SYNPR: variants seen among roughly 807,000 people sequenced by gnomAD.
SYNPR encodes the protein synaptoporin.
A neutral mutation model predicts 32.9 loss-of-function variants in SYNPR; 23 were observed. The ratio of observed to expected loss-of-function variants is 0.70; its 90% CI spans 0.50 to 0.99. SYNPR has a LOEUF of 0.99. SYNPR is among the 50% of genes least tolerant of loss of function. SYNPR has a pLI of 0.00. For synonymous variants in SYNPR, 146 were observed against 135.9 expected (o/e 1.07, Z -0.52); for missense variants, 318 against 349.3 (o/e 0.91, Z 0.71).
At chr3:63,395,030 A>C (rs1328448312) in intron 2 of SYNPR, among the ~76,000 whole-genome samples, 2 of 152,152 alleles carry the variant, frequency 1.3e-5, no homozygotes, top group South Asian at 2.1e-4. Flanking sequence ...CCCTTAACTC[A>C]CACAGGGTAG....
chr3:63,249,002 T>C (rs778789936), intron 1 of SYNPR, among the ~76,000 whole-genome samples: 1 of 152,136 alleles, frequency 6.6e-6, no homozygotes, highest in East Asian at 1.9e-4. Flanking sequence ...TGCTGTCAAA[T>C]GAAGGAGAAA....
At chr3:63,563,385 T>G (rs532095643) in intron 4 of SYNPR, among the ~76,000 whole-genome samples, 1 of 152,330 alleles carries the variant, frequency 6.6e-6, no homozygotes, top group Admixed American at 6.5e-5. Flanking sequence ...AACAAAGAGA[T>G]ATGGAGCTGG....
At chr3:63,289,873 G>C (rs986236618) in intron 2 of SYNPR, among the ~76,000 whole-genome samples, 4 of 152,180 alleles carry the variant, frequency 2.6e-5, no homozygotes, top group Non-Finnish European at 5.9e-5. Flanking sequence ...TCTCACGCCT[G>C]TAATCCCAGC....
intron 1 of SYNPR, among the ~76,000 whole-genome samples, chr3:63,230,713 T>A (rs182855982): frequency 2.6e-4 from 40 of 152,288 alleles, no homozygotes; most frequent in Admixed American, 4.6e-4. Flanking sequence ...CACCTGAGCC[T>A]CAATTTCATC....
At chr3:63,242,708 G>C (rs1283490755) in intron 1 of SYNPR, among the ~76,000 whole-genome samples, 1 of 152,084 alleles carries the variant, frequency 6.6e-6, no homozygotes, top group Non-Finnish European at 1.5e-5. Flanking sequence ...AACATGAAAG[G>C]AAGTGAATTG....
chr3:63,512,716 T>A (rs1207727325), intron 3 of SYNPR, among the ~76,000 whole-genome samples: 3 of 152,046 alleles, frequency 2.0e-5, no homozygotes, highest in Non-Finnish European at 4.4e-5. Flanking sequence ...GGCAAGAAAA[T>A]GGATTCTCGT....
chr3:63,308,066 G>C (rs906454345), intron 2 of SYNPR, among the ~76,000 whole-genome samples: 1 of 152,010 alleles, frequency 6.6e-6, no homozygotes, highest in Non-Finnish European at 1.5e-5. Flanking sequence ...AAGAGGGTCT[G>C]GGTATGAATT....
chr3:63,557,270 C>G (rs1424244547), intron 4 of SYNPR, among the ~76,000 whole-genome samples: 1 of 152,094 alleles, frequency 6.6e-6, no homozygotes, highest in Non-Finnish European at 1.5e-5. Flanking sequence ...GGACACAAAA[C>G]CTCTAAGAGG....
chr3:63,254,452 A>G (rs529987591), intron 2 of SYNPR, among the ~76,000 whole-genome samples: 1 of 152,324 alleles, frequency 6.6e-6, no homozygotes, highest in African/African-American at 2.4e-5. Context: ...AGAGAAAATA[A>G]CAGACTACAT....
At chr3:63,442,629 C>A (rs1015529807) in intron 2 of SYNPR, among the ~76,000 whole-genome samples, 1 of 152,178 alleles carries the variant, frequency 6.6e-6, no homozygotes, top group Non-Finnish European at 1.5e-5. Context: ...AGATCCATGT[C>A]GCACTTAAGC....
At chr3:63,233,869 T>C (rs1560163913) in intron 1 of SYNPR, among the ~76,000 whole-genome samples, 1 of 152,182 alleles carries the variant, frequency 6.6e-6, no homozygotes, top group Non-Finnish European at 1.5e-5. Flanking sequence ...CCCCTTCCAA[T>C]TATATGCCTG....
chr3:63,262,752 A>G (rs995084733), intron 2 of SYNPR, among the ~76,000 whole-genome samples: 1 of 152,178 alleles, frequency 6.6e-6, no homozygotes, highest in African/African-American at 2.4e-5. Flanking sequence ...AGTAGGTCCA[A>G]GTATATCCAA....
chr3:63,481,395 G>C (rs972760126), intron 3 of SYNPR, among the ~76,000 whole-genome samples: 4 of 151,462 alleles, frequency 2.6e-5, no homozygotes, highest in African/African-American at 7.3e-5. Context: ...AAGAGGATCT[G>C]TATACTATGG....
At chr3:63,575,446 A>T (rs1450408983) in intron 4 of SYNPR, among the ~76,000 whole-genome samples, 1 of 152,070 alleles carries the variant, frequency 6.6e-6, no homozygotes, top group East Asian at 1.9e-4. Context: ...AGCCCCCCTC[A>T]GTCACCAAGG....
intron 2 of SYNPR, among the ~76,000 whole-genome samples, chr3:63,411,330 T>G (rs2088462101): frequency 6.6e-6 from 1 of 152,166 alleles, no homozygotes; most frequent in South Asian, 2.1e-4. Context: ...CTCTTAGATC[T>G]GTTTGTGCAG....
chr3:63,503,258 G>A (rs761505430), intron 3 of SYNPR, among the ~76,000 whole-genome samples: 18 of 151,958 alleles, frequency 1.2e-4, no homozygotes, highest in Non-Finnish European at 2.9e-5. Flanking sequence ...TCTTTGGTGA[G>A]GTGTCTGTTA....
rs542595757 is a variant in SYNPR at position 63,528,631 on chromosome 3, G to A, written c.210-27912G>A. On this transcript the variant is annotated intron_variant, in intron 3 of 5. Coordinates refer to ENST00000478300, the MANE Select transcript of SYNPR (RefSeq NM_001130003.2). ...TCTTCCAGTTTGTATGTAAGAAGAT[G>A]CATTTTTTTTTTACTTATACATATA... Among the ~76,000 whole-genome samples, 275 of 136,544 alleles carry A rather than the reference G, an allele frequency of 2.0e-3. 1 individual carries two copies. Among genetic ancestry groups the A allele is most frequent in the African/African-American group, 6.5e-3 (260 of 39,848 alleles). The allele number at this position is 136,544 out of a possible 152,430, so 89.6% of individuals were successfully genotyped here.
At chr3:63,322,057 G>A (rs1350390352) in intron 2 of SYNPR, among the ~76,000 whole-genome samples, 2 of 152,054 alleles carry the variant, frequency 1.3e-5, no homozygotes, top group Non-Finnish European at 2.9e-5. Flanking sequence ...GCAACAGTAA[G>A]TGAGGAGAAA....
intron 2 of SYNPR, among the ~76,000 whole-genome samples, chr3:63,335,932 A>T: frequency 6.6e-6 from 1 of 151,716 alleles, no homozygotes; most frequent in African/African-American, 2.4e-5. Context: ...ATGTGCCACC[A>T]CACCCAGCTA....
Sources: allele counts gnomAD v4.1 joint callset (sites outside exome capture counted in the v4.1 genomes callset), GRCh38; gene constraint gnomAD v4.1.1; transcripts MANE v1.5; gene names NCBI Gene and HGNC (gene_info 2026-07-23, HGNC 2026-07-21).